TRPM3: variants seen among roughly 807,000 people sequenced by gnomAD.
TRPM3 encodes the protein long transient receptor potential channel 3.
TRPM3 carries 77 observed loss-of-function variants against 181.2 expected under a neutral mutation model. The ratio of observed to expected loss-of-function variants is 0.42; its 90% CI spans 0.35 to 0.51. The LOEUF is 0.51. Ranked by LOEUF, TRPM3 falls within the 20% of genes least tolerant of loss-of-function variation. The pLI, the probability that TRPM3 is intolerant of heterozygous loss-of-function variation, is 0.01. For synonymous variants in TRPM3, 745 were observed against 796.4 expected (o/e 0.94, Z 1.09); for missense variants, 1,759 against 2,196.7 (o/e 0.80, Z 3.98).
chr9:70,737,736 AAAAC>A (rs1415336617), intron 8 of TRPM3, among the ~76,000 whole-genome samples: 3 of 151,716 alleles, frequency 2.0e-5, no homozygotes, highest in Non-Finnish European at 2.9e-5. Flanking sequence ...TATATCAGAC[AAAAC>A]AAACTTTAAA....
chr9:71,330,831 A>G (rs2090057949), intron 1 of TRPM3, among the ~76,000 whole-genome samples: 1 of 151,804 alleles, frequency 6.6e-6, no homozygotes, highest in Non-Finnish European at 1.5e-5. Flanking sequence ...TAAAACTCCT[A>G]GAGTCAAAAG....
intron 1 of TRPM3, among the ~76,000 whole-genome samples, chr9:71,420,058 T>C (rs896609155): frequency 1.3e-5 from 2 of 152,060 alleles, no homozygotes; most frequent in African/African-American, 4.8e-5. Context: ...TTTTCTGTTA[T>C]ACCTCATTTT....
intron 7 of TRPM3, among the ~76,000 whole-genome samples, chr9:70,778,320 T>A (rs2081840171): frequency 6.6e-6 from 1 of 152,218 alleles, no homozygotes; most frequent in Non-Finnish European, 1.5e-5. Context: ...TGTGCCTTTA[T>A]CAAAGCACAC....
At chr9:70,759,071 C>A (rs998733402) in intron 8 of TRPM3, among the ~76,000 whole-genome samples, 1 of 152,078 alleles carries the variant, frequency 6.6e-6, no homozygotes, top group Non-Finnish European at 1.5e-5. Context: ...AAAATTTTTG[C>A]AATCTATCCA....
At chr9:70,698,167 C>T (rs11142554) in intron 8 of TRPM3, among the ~76,000 whole-genome samples, 32,143 of 149,506 alleles carry the variant, frequency 0.21, 4,202 homozygotes, top group Non-Finnish European at 0.29. Flanking sequence ...GAGATCGCAT[C>T]ACCGCACTCC....
intron 1 of TRPM3, chr9:70,865,227 G>T (rs578212388): frequency 6.6e-6 from 1 of 152,156 alleles, no homozygotes; most frequent in South Asian, 2.1e-4. Context: ...CATCCACCCA[G>T]AAGTCCTGCC....
At chr9:71,282,295 AAAAG>A (rs1442809333) in intron 1 of TRPM3, among the ~76,000 whole-genome samples, 1 of 111,246 alleles carries the variant, frequency 9.0e-6, no homozygotes, top group Non-Finnish European at 2.0e-5. Context: ...GAAAGAAAGA[AAAAG>A]AAAGAACGAA....
At chr9:70,931,827 T>C (rs2096778309) in intron 1 of TRPM3, among the ~76,000 whole-genome samples, 2 of 152,324 alleles carry the variant, frequency 1.3e-5, no homozygotes, top group East Asian at 1.9e-4. Context: ...ATAATTGGTG[T>C]TTAAAGACTT....
chr9:71,324,999 C>T (rs911661094), intron 1 of TRPM3, among the ~76,000 whole-genome samples: 4 of 151,834 alleles, frequency 2.6e-5, no homozygotes, highest in African/African-American at 7.3e-5. Flanking sequence ...TACAAATATA[C>T]GGTAAGAAGA....
In TRPM3 at chr9:70,670,114, G is replaced by A. The variant is rs535663051; in HGVS notation, c.1345+11392C>T. 6.6e-5 allele frequency among the ~76,000 whole-genome samples: 10 copies of A among 152,260 alleles called. No individual in the cohort carries two copies. The South Asian group carries it at 1.0e-3, about 16-fold the overall frequency. On this transcript the variant is annotated intron_variant, in intron 9 of 25. Coordinates refer to ENST00000677713, the MANE Select transcript of TRPM3 (RefSeq NM_001366145.2). ...GGGGTGTGAGATAGTATGATACTGC[G>A]AAAGTCACAGGTGAAATTTCTCTGG... is the stretch of plus-strand genomic sequence containing the variant.
At chr9:70,881,610 T>C (rs2095994431) in intron 1 of TRPM3, among the ~76,000 whole-genome samples, 1 of 152,220 alleles carries the variant, frequency 6.6e-6, no homozygotes, top group South Asian at 2.1e-4. Flanking sequence ...GTAAGTACCA[T>C]CGAGTGAGGT....
chr9:70,645,470 A>G (rs1007097974), intron 9 of TRPM3, among the ~76,000 whole-genome samples: 2 of 152,224 alleles, frequency 1.3e-5, no homozygotes, highest in South Asian at 4.1e-4. Context: ...AGGATTCCCT[A>G]TTTAATAAAT....
chr9:71,318,922 C>G (rs1049673288), intron 1 of TRPM3, among the ~76,000 whole-genome samples: 4 of 147,296 alleles, frequency 2.7e-5, no homozygotes, highest in Non-Finnish European at 6.0e-5. Context: ...CTCTCCCAGC[C>G]CCCTGCCCCA....
At chr9:70,846,683 TGACAAAAAC>T in intron 3 of TRPM3, 92 bp from the exon 4 acceptor site, 2 of 1,035,306 alleles carry the variant, frequency 1.9e-6, no homozygotes, top group Non-Finnish European at 2.9e-6. Context: ...TGTAGTTATG[TGACAAAAAC>T]GTCTCATATA....
intron 5 of TRPM3, among the ~76,000 whole-genome samples, chr9:70,835,713 T>C (rs1034783295): frequency 6.6e-6 from 1 of 152,114 alleles, no homozygotes; most frequent in African/African-American, 2.4e-5. Flanking sequence ...ATAATAATAA[T>C]CATCCCATTG....
intron 1 of TRPM3, among the ~76,000 whole-genome samples, chr9:70,918,309 A>G (rs2096621880): frequency 1.3e-5 from 2 of 152,204 alleles, no homozygotes; most frequent in Admixed American, 1.3e-4. Flanking sequence ...CATCCAATGG[A>G]TGTAGAATAC....
At chr9:70,923,265 G>T (rs1360064142) in intron 1 of TRPM3, among the ~76,000 whole-genome samples, 1 of 152,050 alleles carries the variant, frequency 6.6e-6, no homozygotes, top group African/African-American at 2.4e-5. Flanking sequence ...ACATGTTCAT[G>T]TTCACGTTTT....
intron 7 of TRPM3, among the ~76,000 whole-genome samples, chr9:70,773,802 G>A (rs2080824841): frequency 6.6e-6 from 1 of 152,144 alleles, no homozygotes; most frequent in South Asian, 2.1e-4. Flanking sequence ...TTGCAGAGTC[G>A]ACGAAAAAAT....
chr9:71,169,906 G>T (rs2076758844), intron 1 of TRPM3, among the ~76,000 whole-genome samples: 1 of 150,430 alleles, frequency 6.6e-6, no homozygotes, highest in South Asian at 2.1e-4. Flanking sequence ...GGAAGCTGAG[G>T]CAGGAGAATC....
Sources: gnomAD v4.1 joint callset for allele counts (sites outside exome capture counted in the v4.1 genomes callset) on GRCh38, gnomAD v4.1.1 for gene constraint, MANE v1.5 for transcripts, NCBI Gene and HGNC (gene_info 2026-07-23, HGNC 2026-07-21) for gene names.